Variants in NUP210 observed in about 807,000 individuals in gnomAD.
NUP210 encodes nuclear pore membrane glycoprotein 210.
A neutral mutation model predicts 196.0 loss-of-function variants in NUP210; 151 were observed. The observed-to-expected ratio is 0.77, with a 90% CI of 0.67 to 0.88. The LOEUF (loss-of-function observed/expected upper bound fraction) is 0.88, where lower values mean the gene tolerates loss of function less well. Among genes scored for constraint, NUP210 ranks in the 40% least tolerant of loss-of-function variants. The pLI is 0.00. For synonymous variants in NUP210, 1,070 were observed against 1,052.7 expected (o/e 1.02, Z -0.32); for missense variants, 2,314 against 2,493.7 (o/e 0.93, Z 1.53).
chr3:13,328,844 T>C lies in NUP210; in HGVS notation c.4213A>G (p.Thr1405Ala). 1 of 1,614,128 alleles carries C rather than the reference T, an allele frequency of 6.2e-7. No individual in the cohort carries two copies. The highest frequency in any genetic ancestry group is 1.1e-5 in the South Asian group (1 of 91,078). Residue 1405 changes from threonine (T) to alanine (A), a missense_variant, in exon 31 of 40, where the codon ACT becomes GCT. Physicochemically the swap from Thr to Ala is moderately conservative, Grantham distance 58. Transcript: ENST00000254508. Reference sequence around the variant, plus strand: ...CCAGAGTTGTCGTGGAAGTGGACAGTGAAGGTCACGGTCATTCCCAAAGGC... The same window carrying C: ...CCAGAGTTGTCGTGGAAGTGGACAGCGAAGGTCACGGTCATTCCCAAAGGC... ...AVPLGMTVTF[T>A]VHFHDNSGDV...
At position 13,355,913 on chromosome 3, in the gene NUP210, A is replaced by G. The variant is rs184435934; in HGVS notation, c.2329-1806T>C. Among the ~76,000 whole-genome samples, 251 of 152,330 alleles carry G rather than the reference A, an allele frequency of 1.6e-3. 1 individual carries two copies. The highest frequency in any genetic ancestry group is 5.7e-3 in the African/African-American group (237 of 41,584). ...TAACTGGCCCATTTGAGGCAACAACATAAGCCCCATATTACAAACAGGGAG... is the reference window on the plus strand; with the variant it reads ...TAACTGGCCCATTTGAGGCAACAACGTAAGCCCCATATTACAAACAGGGAG... On this transcript the variant is annotated intron_variant, in intron 16 of 39. Coordinates refer to ENST00000254508, the MANE Select transcript of NUP210 (RefSeq NM_024923.4).
chr3:13,390,749 T>A (rs1699462113), intron 4 of NUP210, among the ~76,000 whole-genome samples: 1 of 152,164 alleles, frequency 6.6e-6, no homozygotes, highest in Non-Finnish European at 1.5e-5. Flanking sequence ...ATGACACAGG[T>A]CAAGATGCTT....
At chr3:13,330,766 A>G (rs1696965091) in intron 29 of NUP210, 132 bp from the exon 30 acceptor site, 1 of 816,716 alleles carries the variant, frequency 1.2e-6, no homozygotes, top group Non-Finnish European at 1.9e-6. Context: ...TCTTGGCCCC[A>G]CGGACCTCAG....
At position 13,348,783 on chromosome 3, in the gene NUP210, C is replaced by T. The variant is rs558139823; in HGVS notation, c.2835+3096G>A. The T allele has an allele frequency of 5.1e-6, 5 of 985,304 alleles. No individual in the cohort carries two copies. The highest frequency in any genetic ancestry group is 6.0e-6 in the Non-Finnish European group (5 of 829,932). 61.0% of individuals were successfully genotyped at this position (985,304 alleles called of 1,614,324 possible). ...ACAGGAACAGTGGGACTCCCTCCCC[C>T]TCCTTGAGGCACGGCGCTGAGAAAA... is the stretch of plus-strand genomic sequence containing the variant. On this transcript the variant is annotated intron_variant, in intron 20 of 39. Coordinates refer to ENST00000254508, the MANE Select transcript of NUP210 (RefSeq NM_024923.4). This position sits in a 1 kb window ranked among gnomAD's most constrained non-coding sequence, Gnocchi z 4.0.
In NUP210 at chr3:13,347,823, C is replaced by T. The variant is rs1697809392; in HGVS notation, c.2835+4056G>A. Among the ~76,000 whole-genome samples, 1 of 152,228 alleles carries T rather than the reference C, an allele frequency of 6.6e-6. No individual in the cohort carries two copies. The highest frequency in any genetic ancestry group is 1.5e-5 in the Non-Finnish European group (1 of 68,046). On this transcript the variant is annotated intron_variant, in intron 20 of 39. Coordinates refer to ENST00000254508, the MANE Select transcript of NUP210 (RefSeq NM_024923.4). The surrounding 1 kb of genome is among the most constrained non-coding windows in gnomAD (Gnocchi z 4.7). ...CCAGGACTTGCTGCTGACGTCAATA[C>T]TCCCTGGAAAATTCCTCCTGCAGGC... is the stretch of plus-strand genomic sequence containing the variant.
At chr3:13,399,903 T>G (rs1699779920) in intron 1 of NUP210, 42 bp from the exon 2 acceptor site, 2 of 1,566,804 alleles carry the variant, frequency 1.3e-6, no homozygotes, top group African/African-American at 2.7e-5. Context: ...GGAGCTGCAC[T>G]GCAAGGCACA....
chr3:13,339,478 T>C (rs1697368731), intron 25 of NUP210, among the ~76,000 whole-genome samples: 1 of 152,212 alleles, frequency 6.6e-6, no homozygotes, highest in South Asian at 2.1e-4. Flanking sequence ...GCAAAGGCCC[T>C]GATTTTAGCC....
chr3:13,349,930 G>A lies in NUP210; in HGVS notation c.2835+1949C>T, dbSNP rs1327491342. Among the ~76,000 whole-genome samples the A allele has an allele frequency of 1.3e-5, 2 of 152,174 alleles. 1 individual carries two copies. Among genetic ancestry groups the A allele is most frequent in the South Asian group, 4.1e-4 (2 of 4,822 alleles). The stretch of plus-strand genomic sequence containing the variant: ...CAGAACAAACCTTAAACATCTTCTA[G>A]GGAAAGGGTCCCTTCAAAGGATCCT... On this transcript the variant is annotated intron_variant, in intron 20 of 39. Coordinates refer to ENST00000254508, the MANE Select transcript of NUP210 (RefSeq NM_024923.4).
intron 6 of NUP210, among the ~76,000 whole-genome samples, chr3:13,383,094 T>C (rs1462950241): frequency 1.3e-5 from 2 of 152,050 alleles, no homozygotes; most frequent in African/African-American, 4.8e-5. Context: ...CTGTGAGCCA[T>C]GATCATGATA....
intron 18 of NUP210, among the ~76,000 whole-genome samples, chr3:13,352,546 G>A (rs1185986663): frequency 3.3e-5 from 5 of 152,218 alleles, no homozygotes; most frequent in Admixed American, 6.5e-5. Context: ...GCCAGGCATC[G>A]GGGGAGGGTC....
At chr3:13,402,284 C>T (rs1699866255) in intron 1 of NUP210, among the ~76,000 whole-genome samples, 2 of 152,046 alleles carry the variant, frequency 1.3e-5, no homozygotes, top group South Asian at 4.2e-4. Context: ...TTCATCATTT[C>T]CCACTCCTGC....
rs150156874 is a variant in NUP210, at chr3:13,416,397, C to T, written c.167+3663G>A. 3.2e-3 allele frequency among the ~76,000 whole-genome samples: 480 copies of T among 152,254 alleles called. 4 individuals are homozygous for T. Among genetic ancestry groups the T allele is most frequent in the African/African-American group, 0.011 (465 of 41,548 alleles). On this transcript the variant is annotated intron_variant, in intron 1 of 39. Coordinates refer to ENST00000254508, the MANE Select transcript of NUP210 (RefSeq NM_024923.4). ...AAACAGAGTGTCTCCGCCAGAGGCC[C>T]GGGAGGTCGCACAACATCCCCTTCC...
intron 1 of NUP210, among the ~76,000 whole-genome samples, chr3:13,400,436 C>T (rs887908784): frequency 2.0e-5 from 3 of 152,206 alleles, no homozygotes; most frequent in African/African-American, 4.8e-5. Context: ...CAGATAAACA[C>T]ATCCACAAAT....
intron 5 of NUP210, among the ~76,000 whole-genome samples, chr3:13,387,895 T>C (rs984297668): frequency 6.6e-6 from 1 of 152,076 alleles, no homozygotes; most frequent in Non-Finnish European, 1.5e-5. Context: ...AGGGCTCCAA[T>C]GGGGGCCCAA....
chr3:13,418,645 G>A (rs1388757365), intron 1 of NUP210, among the ~76,000 whole-genome samples: 1 of 151,996 alleles, frequency 6.6e-6, no homozygotes, highest in Admixed American at 6.6e-5. Context: ...AAAACTAGCT[G>A]GGTGTTGTGG....
intron 2 of NUP210, among the ~76,000 whole-genome samples, chr3:13,398,175 C>T (rs1393105841): frequency 6.6e-6 from 1 of 152,176 alleles, no homozygotes; most frequent in Non-Finnish European, 1.5e-5. Flanking sequence ...TGTGGTGGCT[C>T]ACGTCTGTAA....
At chr3:13,416,456 C>T (rs1267401456) in intron 1 of NUP210, among the ~76,000 whole-genome samples, 5 of 152,186 alleles carry the variant, frequency 3.3e-5, no homozygotes, top group Non-Finnish European at 4.4e-5. Flanking sequence ...ACAGTGGGTA[C>T]AAAAGCTCAA....
chr3:13,342,301 G>C (rs920687948), intron 21 of NUP210, among the ~76,000 whole-genome samples, 178 bp from the exon 22 acceptor site: 2 of 152,136 alleles, frequency 1.3e-5, no homozygotes, highest in African/African-American at 4.8e-5. Flanking sequence ...AAATCGATGA[G>C]GGGGAGCTTG....
At chr3:13,412,111 T>C (rs2124963711) in intron 1 of NUP210, among the ~76,000 whole-genome samples, 1 of 151,792 alleles carries the variant, frequency 6.6e-6, no homozygotes, top group South Asian at 2.1e-4. Context: ...TGGAGTAGAG[T>C]GGTACAATCA....
Sources: allele counts gnomAD v4.1 joint callset (sites outside exome capture counted in the v4.1 genomes callset), GRCh38; gene constraint gnomAD v4.1.1; non-coding constraint Gnocchi (gnomAD v3.1); transcripts MANE v1.5; gene names NCBI Gene and HGNC (gene_info 2026-07-23, HGNC 2026-07-21).